Variants in RALYL observed in about 807,000 individuals in gnomAD.
RALYL encodes RALY RNA binding protein like.
Under a neutral mutation model 35.1 loss-of-function variants are expected in RALYL, and 29 were observed. The observed-to-expected ratio is 0.83, with a 90% CI of 0.61 to 1.13. The LOEUF (loss-of-function observed/expected upper bound fraction) is 1.13. Ranked by LOEUF, RALYL falls within the 50% of genes most tolerant of loss-of-function variation. RALYL has a pLI of 0.00. For missense variants in RALYL, 359 were observed against 360.4 expected, an observed-to-expected ratio of 1.00 and a Z score of 0.03; for synonymous variants, 120 against 127.6, an observed-to-expected ratio of 0.94 and a Z score of 0.40.
intron 1 of RALYL, among the ~76,000 whole-genome samples, chr8:84,298,912 AT>A (rs1840266253): frequency 6.6e-6 from 1 of 152,078 alleles, no homozygotes; most frequent in African/African-American, 2.4e-5. Flanking sequence ...TTGGTTTCGT[AT>A]CCTGAAACTT....
At chr8:84,899,023 G>A (rs10105226) in intron 8 of RALYL, among the ~76,000 whole-genome samples, 18 of 152,172 alleles carry the variant, frequency 1.2e-4, no homozygotes, top group Non-Finnish European at 1.9e-4. Flanking sequence ...TTTGTATGGG[G>A]ATGGATGAGT....
chr8:84,409,721 T>G (rs2043916001), intron 1 of RALYL, among the ~76,000 whole-genome samples: 1 of 152,062 alleles, frequency 6.6e-6, no homozygotes. Flanking sequence ...AAACAATACG[T>G]ACTTCAACTA....
intron 2 of RALYL, among the ~76,000 whole-genome samples, chr8:84,771,108 A>G (rs1041414539): frequency 6.6e-6 from 1 of 152,120 alleles, no homozygotes; most frequent in African/African-American, 2.4e-5. Context: ...AATTAAATTT[A>G]CATGAAAGAA....
At chr8:84,184,861 A>T in intron 1 of RALYL, 1 of 1,014,784 alleles carries the variant, frequency 9.9e-7, no homozygotes, top group Non-Finnish European at 1.5e-6. Flanking sequence ...CACCCGGGAG[A>T]TGGGGGTAGA....
chr8:84,640,121 G>C (rs1825995826), intron 2 of RALYL, among the ~76,000 whole-genome samples: 1 of 151,784 alleles, frequency 6.6e-6, no homozygotes, highest in South Asian at 2.1e-4. Context: ...ATGTTAAAAG[G>C]CTCAAAATAT....
At chr8:84,664,631 C>CAGTT (rs1013703069) in intron 2 of RALYL, among the ~76,000 whole-genome samples, 1 of 151,892 alleles carries the variant, frequency 6.6e-6, no homozygotes, top group Non-Finnish European at 1.5e-5. Context: ...CTTGGCTTGA[C>CAGTT]AGTTGTTGGT....
At chr8:84,602,451 TCAGAC>T in intron 2 of RALYL, among the ~76,000 whole-genome samples, 3 of 152,224 alleles carry the variant, frequency 2.0e-5, no homozygotes, top group Admixed American at 2.0e-4. Flanking sequence ...ATTACTGCAG[TCAGAC>T]CCTTAATGGA....
chr8:84,272,842 A>T (rs1475250074), intron 1 of RALYL, among the ~76,000 whole-genome samples: 1 of 152,200 alleles, frequency 6.6e-6, no homozygotes, highest in Non-Finnish European at 1.5e-5. Context: ...GAACCAGGAT[A>T]CAATAGGATG....
At chr8:84,413,430 CTT>C (rs1328781442) in intron 1 of RALYL, among the ~76,000 whole-genome samples, 1 of 151,666 alleles carries the variant, frequency 6.6e-6, no homozygotes, top group East Asian at 1.9e-4. Flanking sequence ...AAAAATCCCT[CTT>C]GTTATTAGAC....
chr8:84,791,320 G>C (rs1275466151), intron 3 of RALYL, among the ~76,000 whole-genome samples: 1 of 152,180 alleles, frequency 6.6e-6, no homozygotes, highest in African/African-American at 2.4e-5. Context: ...GCATTCTCAT[G>C]TGTTTTAAAA....
At chr8:84,691,615 T>G (rs1838070120) in intron 2 of RALYL, among the ~76,000 whole-genome samples, 1 of 151,932 alleles carries the variant, frequency 6.6e-6, no homozygotes, top group African/African-American at 2.4e-5. Context: ...ATGCTGGGCT[T>G]TCTTCCTCCC....
chr8:84,555,234 A>T (rs755719380), intron 2 of RALYL, among the ~76,000 whole-genome samples: 1 of 152,212 alleles, frequency 6.6e-6, no homozygotes, highest in Non-Finnish European at 1.5e-5. Flanking sequence ...AGCCGAGATC[A>T]TGCCACTGCA....
chr8:84,471,284 AAAC>A lies in RALYL; in HGVS notation c.-23-58002_-23-58000del, dbSNP rs1311220502. Among the ~76,000 whole-genome samples the A allele has an allele frequency of 3.9e-5, 6 of 152,236 alleles. No homozygotes were observed. In the East Asian group the frequency reaches 7.7e-4, roughly 20 times the overall value. On this transcript the variant is annotated intron_variant, in intron 1 of 8. Transcript: ENST00000521268. Reference sequence around the variant, plus strand: ...TTTAGGCTTTTTCAAAAAAGATAGAAAACAACAACAACAACCAGCCAGGGACAG... The same window carrying A: ...TTTAGGCTTTTTCAAAAAAGATAGAAAACAACAACAACCAGCCAGGGACAG...
intron 2 of RALYL, among the ~76,000 whole-genome samples, chr8:84,722,328 G>T (rs1305320801): frequency 1.3e-5 from 2 of 151,772 alleles, no homozygotes; most frequent in African/African-American, 4.8e-5. Context: ...GTAATTCAAA[G>T]AACTGAAGAC....
chr8:84,869,283 T>C (rs1839755519), intron 6 of RALYL, among the ~76,000 whole-genome samples: 1 of 152,208 alleles, frequency 6.6e-6, no homozygotes, highest in African/African-American at 2.4e-5. Flanking sequence ...CATCAGATTC[T>C]CAGATTCTTT....
chr8:84,231,709 A>G (rs1290264982), intron 1 of RALYL, among the ~76,000 whole-genome samples: 1 of 152,178 alleles, frequency 6.6e-6, no homozygotes, highest in Non-Finnish European at 1.5e-5. Context: ...TACATCTGCA[A>G]ATATCTCTGT....
At chr8:84,503,147 T>C (rs1301389044) in intron 1 of RALYL, among the ~76,000 whole-genome samples, 2 of 151,978 alleles carry the variant, frequency 1.3e-5, no homozygotes, top group Admixed American at 1.3e-4. Context: ...CACTCATTAC[T>C]TTTCTTTCTC....
At chr8:84,870,465 T>A (rs779449186) in intron 6 of RALYL, among the ~76,000 whole-genome samples, 1 of 151,782 alleles carries the variant, frequency 6.6e-6, no homozygotes, top group Non-Finnish European at 1.5e-5. Context: ...ACCATGTTTG[T>A]GTATAATTTT....
At chr8:84,667,050 G>A (rs1832218624) in intron 2 of RALYL, among the ~76,000 whole-genome samples, 1 of 152,048 alleles carries the variant, frequency 6.6e-6, no homozygotes, top group Non-Finnish European at 1.5e-5. Context: ...ACCTGGACAT[G>A]GGTTTTTAAA....
Sources: gnomAD v4.1 joint callset for allele counts (sites outside exome capture counted in the v4.1 genomes callset) on GRCh38, gnomAD v4.1.1 for gene constraint, MANE v1.5 for transcripts, NCBI Gene and HGNC (gene_info 2026-07-23, HGNC 2026-07-21) for gene names.